The following PTGES2 variants were observed in gnomAD, a reference collection of about 807,000 sequenced individuals.
The protein encoded by PTGES2 is GATE-binding factor 1.
In PTGES2, 35 loss-of-function variants were observed where a neutral mutation model predicts 44.5. The observed-to-expected ratio is 0.79, with a 90% CI of 0.60 to 1.04. The LOEUF is 1.04. Ranked by LOEUF, PTGES2 falls within the 50% of genes least tolerant of loss-of-function variation. The pLI, the probability that PTGES2 is intolerant of heterozygous loss-of-function variation, is 0.00. For missense variants in PTGES2, 517 were observed against 521.4 expected (o/e 0.99, Z 0.08); for synonymous variants, 221 against 227.5 (o/e 0.97, Z 0.26).
chr9:128,124,336 G>A, intron 3 of PTGES2, 156 bp downstream of exon 3: 6 of 555,054 alleles, frequency 1.1e-5, no homozygotes, highest in South Asian at 4.4e-5. Flanking sequence ...TGCCTGCCTC[G>A]GCCTCCCAAA....
At chr9:128,125,474 C>T (rs767418797) in intron 1 of PTGES2, 33 bp from the exon 2 acceptor site, 1 of 1,607,900 alleles carries the variant, frequency 6.2e-7, no homozygotes, top group Admixed American at 1.7e-5. Context: ...GCTTCTAGAC[C>T]TGGCACCCCC....
intron 6 of PTGES2, 147 bp from the exon 7 acceptor site, chr9:128,121,420 T>C (rs1192466265): frequency 9.7e-7 from 1 of 1,030,802 alleles, no homozygotes; most frequent in Non-Finnish European, 1.4e-6. Context: ...CAGGTGAGGG[T>C]TTGAACAAAG....
At chr9:128,125,640 C>CA (rs1245302194) in intron 1 of PTGES2, among the ~76,000 whole-genome samples, 199 bp from the exon 2 acceptor site, 1 of 152,128 alleles carries the variant, frequency 6.6e-6, no homozygotes, top group Non-Finnish European at 1.5e-5. Flanking sequence ...GCACGGTCCC[C>CA]AAGCAGGAGT....
In PTGES2 at chr9:128,121,353, G is replaced by A. The variant is rs1834404771; in HGVS notation, c.1006-80C>T. On this transcript the variant is annotated intron_variant, in intron 6 of 6. Coordinates refer to ENST00000338961, the MANE Select transcript of PTGES2 (RefSeq NM_025072.7). ...TCCTTCGTTCCCTGCCAGCTGTGTG[G>A]CCAGGTCCCGTCCCCTCCCCCCTTG... 5 of 1,518,044 alleles carry A rather than the reference G, an allele frequency of 3.3e-6. No individual in the cohort carries two copies. The South Asian group carries it at 5.0e-5, about 15-fold the overall frequency. 94.0% of individuals were successfully genotyped at this position (1,518,044 alleles called of 1,614,324 possible).
Position 128,127,066 on chromosome 9 carries a change from C to A in PTGES2, c.279+373G>T, listed in dbSNP as rs188535413. Among the ~76,000 whole-genome samples the A allele has an allele frequency of 2.4e-4, 37 of 151,416 alleles. No homozygotes were observed. The East Asian group carries it at 7.0e-3, about 29-fold the overall frequency. ...CAGTGGGGTGAGCCTATAGTCCCAGCTACTCGGGAGGCTGAGGCAGGAGGA... is the reference window on the plus strand; with the variant it reads ...CAGTGGGGTGAGCCTATAGTCCCAGATACTCGGGAGGCTGAGGCAGGAGGA... On this transcript the variant is annotated intron_variant, in intron 1 of 6. Transcript: ENST00000338961.
chr9:128,124,889 G>T (rs1834560211), intron 2 of PTGES2: 1 of 1,249,622 alleles, frequency 8.0e-7, no homozygotes, highest in Non-Finnish European at 1.0e-6. Context: ...CCAGAATATG[G>T]TCCCTTGTTG....
chr9:128,124,775 T>C, intron 2 of PTGES2: 4 of 1,324,700 alleles, frequency 3.0e-6, no homozygotes, highest in Non-Finnish European at 3.9e-6. Flanking sequence ...CCCAGCCCAC[T>C]CACCCATTTG....
intron 1 of PTGES2, among the ~76,000 whole-genome samples, chr9:128,126,235 T>C (rs755442653): frequency 1.3e-4 from 20 of 152,320 alleles, no homozygotes; most frequent in Admixed American, 5.2e-4. Flanking sequence ...CCCACCTCTG[T>C]TCCCTCTGGT....
intron 2 of PTGES2, 109 bp downstream of exon 2, chr9:128,125,135 C>T (rs1834568488): frequency 2.9e-6 from 3 of 1,020,332 alleles, no homozygotes; most frequent in Non-Finnish European, 4.3e-6. Flanking sequence ...TCCTTACAGG[C>T]ACAAGGATCA....
chr9:128,126,696 G>A (rs1422233013), intron 1 of PTGES2, among the ~76,000 whole-genome samples: 2 of 151,338 alleles, frequency 1.3e-5, no homozygotes, highest in East Asian at 1.9e-4. Flanking sequence ...CCCGTCTCTA[G>A]TAAAAATACA....
In PTGES2 at chr9:128,123,824, G is replaced by A. The variant is rs746617283; in HGVS notation, c.564C>T (p.Tyr188=). Reference sequence around the variant, plus strand: ...CGTTCACAGCCTTCATGGCTGGGTAGTAGGTGATGATCTCTTCCAGGGGCT... The same window carrying A: ...CGTTCACAGCCTTCATGGCTGGGTAATAGGTGATGATCTCTTCCAGGGGCT... ...SGQPLEEIIT[Y]YPAMKAVNEQ... is the part of the protein sequence containing the mutation. Residue 188 remains tyrosine (Y), a synonymous_variant, in exon 4 of 7, where the codon TAC becomes TAT. Transcript: ENST00000338961. This position sits in a 1 kb window ranked among gnomAD's most constrained non-coding sequence, Gnocchi z 4.4. 1 of 1,614,056 alleles carries A rather than the reference G, an allele frequency of 6.2e-7. No homozygotes were observed. The highest frequency in any genetic ancestry group is 8.5e-7 in the Non-Finnish European group (1 of 1,179,966).
Position 128,124,521 on chromosome 9 carries a change from G to A in PTGES2, c.507C>T (p.Ile169=), listed in dbSNP as rs1564210777. Residue 169 remains isoleucine (I), a synonymous_variant, in exon 3 of 7, where the codon ATC becomes ATT. Coordinates refer to ENST00000338961, the MANE Select transcript of PTGES2 (RefSeq NM_025072.7). ...ACACCAGGTAGGTCTTGAGGGCGCT[G>A]ATGATGACAGAGGAGTCATTTAGTT... ...SQQLNDSSVI[I]SALKTYLVSG... is the part of the protein sequence containing the mutation. The A allele has an allele frequency of 1.3e-5, 21 of 1,613,764 alleles. No homozygotes were observed. Among genetic ancestry groups the A allele is most frequent in the Non-Finnish European group, 1.4e-5 (17 of 1,179,758 alleles).
Position 128,121,228 on chromosome 9 carries a change from C to T in PTGES2, c.1051G>A (p.Asp351Asn), listed in dbSNP as rs749700998. Residue 351 changes from aspartate to asparagine, a missense_variant, in exon 7 of 7, where the codon GAT (aspartate) becomes AAT (asparagine). Transcript: ENST00000338961. ...ATGTGCGTGTGCTGCATCAGGTCAT[C>T]GAACGCATCCAGCCCCTCCATCACA... is the stretch of plus-strand genomic sequence containing the variant. ...LRVMEGLDAF[D>N]DLMQHTHIQP... 7 of 1,605,308 alleles carry T rather than the reference C, an allele frequency of 4.4e-6. No individual in the cohort carries two copies. Among genetic ancestry groups the T allele is most frequent in the East Asian group, 2.3e-5 (1 of 44,426 alleles).
At chr9:128,128,051 G>T, upstream of PTGES2, 1 of 376,926 alleles carries the variant, frequency 2.7e-6, no homozygotes, top group East Asian at 6.2e-5. Flanking sequence ...TCTGTAACAC[G>T]TACTTGCCCA....
intron 5 of PTGES2, 31 bp from the exon 6 acceptor site, chr9:128,122,510 G>A: frequency 2.5e-6 from 4 of 1,585,220 alleles, no homozygotes; most frequent in African/African-American, 1.3e-5. Context: ...CCCCTCAGGG[G>A]AGCCCCCACT....
intron 1 of PTGES2, among the ~76,000 whole-genome samples, chr9:128,127,081 A>C (rs984021004): frequency 1.3e-5 from 2 of 149,378 alleles, no homozygotes; most frequent in Non-Finnish European, 3.0e-5. Context: ...CGGGAGGCTG[A>C]GGCAGGAGGA....
chr9:128,127,659 C>T lies in PTGES2; in HGVS notation c.59G>A (p.Trp20Ter), dbSNP rs888636614. ...ALWPGGCALA[W>*]RLGGRPQPLL... ...CGGCTGGGGGCGGCCTCCCAGCCTC[C>T]AGGCCAAGGCGCACCCACCAGGCCA... Residue 20 changes from tryptophan (W) to a stop codon, truncating the protein, a stop_gained, in exon 1 of 7, where the codon TGG becomes TAG. Transcript: ENST00000338961. LOFTEE classifies it high-confidence loss of function. The T allele has an allele frequency of 1.3e-5, 17 of 1,289,472 alleles. No individual in the cohort carries two copies. Among genetic ancestry groups the T allele is most frequent in the Non-Finnish European group, 1.7e-5 (17 of 1,018,960 alleles). The allele number at this position is 1,289,472 out of a possible 1,614,324, so 79.9% of individuals were successfully genotyped here.
intron 1 of PTGES2, among the ~76,000 whole-genome samples, chr9:128,126,787 G>C (rs1339895045): frequency 3.3e-5 from 5 of 151,686 alleles, no homozygotes; most frequent in African/African-American, 1.2e-4. Flanking sequence ...TTGAACCCAG[G>C]AGGCGGAGGT....
chr9:128,126,537 C>G (rs761658407), intron 1 of PTGES2, among the ~76,000 whole-genome samples: 4 of 152,194 alleles, frequency 2.6e-5, no homozygotes, highest in African/African-American at 7.2e-5. Context: ...TTCCTGTGAT[C>G]TCCCATCTCT....
Sources: gnomAD v4.1 joint callset for allele counts (sites outside exome capture counted in the v4.1 genomes callset) on GRCh38, gnomAD v4.1.1 for gene constraint, Gnocchi (gnomAD v3.1) non-coding constraint, MANE v1.5 for transcripts, NCBI Gene and HGNC (gene_info 2026-07-23, HGNC 2026-07-21) for gene names.